Variants in RTKN2 observed in about 807,000 individuals in gnomAD.
RTKN2 encodes rhotekin-2.
RTKN2 carries 69 observed loss-of-function variants against 71.5 expected under a neutral mutation model. The observed-to-expected ratio is 0.96, with a 90% CI of 0.79 to 1.18. RTKN2 has a LOEUF of 1.18. Ranked by LOEUF, RTKN2 falls within the 50% of genes most tolerant of loss-of-function variation. The pLI is 0.00. For missense variants in RTKN2, 724 were observed against 719.7 expected (o/e 1.01, Z -0.07); for synonymous variants, 236 against 236.5 (o/e 1.00, Z 0.02).
At chr10:62,240,544 G>A (rs994622750) in intron 4 of RTKN2, among the ~76,000 whole-genome samples, 1 of 152,060 alleles carries the variant, frequency 6.6e-6, no homozygotes, top group Non-Finnish European at 1.5e-5. Flanking sequence ...ATATGATTCA[G>A]TTTTTAAAGT....
At chr10:62,247,473 A>C (rs1003216801) in intron 2 of RTKN2, among the ~76,000 whole-genome samples, 3 of 152,060 alleles carry the variant, frequency 2.0e-5, no homozygotes, top group African/African-American at 7.2e-5. Context: ...AATTCTACCT[A>C]ATTACTTTAT....
chr10:62,186,941 C>CA (rs939791871), intron 8 of RTKN2, among the ~76,000 whole-genome samples: 3 of 151,948 alleles, frequency 2.0e-5, no homozygotes. Flanking sequence ...AAGTTTATGG[C>CA]AAAAAAATTA....
rs755133811 is a variant in RTKN2 at position 62,195,446 on chromosome 10, A to C, written c.*2462T>G. On this transcript the variant is annotated 3_prime_UTR_variant, in exon 12 of 12. Coordinates refer to ENST00000373789, the MANE Select transcript of RTKN2 (RefSeq NM_145307.4). ...TTTGACACAGTGCTTAACTATTTTTAGATTTTTTTTTTAAACTGTAAAGGA... is the reference window on the plus strand; with the variant it reads ...TTTGACACAGTGCTTAACTATTTTTCGATTTTTTTTTTAAACTGTAAAGGA... 1 of 978,732 alleles carries C rather than the reference A, an allele frequency of 1.0e-6. No individual in the cohort carries two copies. The highest frequency in any genetic ancestry group is 1.2e-6 in the Non-Finnish European group (1 of 824,188). The allele number at this position is 978,732 out of a possible 1,614,324, so 60.6% of individuals were successfully genotyped here.
intron 3 of RTKN2, among the ~76,000 whole-genome samples, chr10:62,241,797 T>C (rs7093180): frequency 0.89 from 135,390 of 151,954 alleles, 60,432 homozygotes; most frequent in East Asian, 0.99. Flanking sequence ...CTCCTGGGTT[T>C]AAGTGATTCT....
rs905285112 is a variant in RTKN2 at position 62,193,128 on chromosome 10, T to C, written c.*4780A>G. The C allele has an allele frequency of 1.2e-5, 7 of 582,144 alleles. No individual in the cohort carries two copies. The African/African-American group carries it at 1.4e-4, about 12-fold the overall frequency. 36.1% of individuals were successfully genotyped at this position (582,144 alleles called of 1,614,324 possible). Reference sequence around the variant, plus strand: ...TAAGATTAAGTTCTACAAAAATGCATCCATTCATAATTTTGAGTAGATAAA... The same window carrying C: ...TAAGATTAAGTTCTACAAAAATGCACCCATTCATAATTTTGAGTAGATAAA... On this transcript the variant is annotated 3_prime_UTR_variant, in exon 12 of 12. Coordinates refer to ENST00000373789, the MANE Select transcript of RTKN2 (RefSeq NM_145307.4).
chr10:62,199,708 G>A (rs771238314), intron 11 of RTKN2, 46 bp downstream of exon 11: 41 of 1,159,424 alleles, frequency 3.5e-5, no homozygotes, highest in Non-Finnish European at 5.3e-5. Context: ...TATGGACAAT[G>A]TTGTTTTTGT....
At chr10:62,267,055 C>T (rs1389629192) in intron 1 of RTKN2, among the ~76,000 whole-genome samples, 2 of 152,272 alleles carry the variant, frequency 1.3e-5, no homozygotes, top group African/African-American at 4.8e-5. Context: ...AAAGGAAATA[C>T]CAAATAAAAA....
chr10:62,198,793 A>G (rs543602473), intron 11 of RTKN2, among the ~76,000 whole-genome samples: 76 of 152,302 alleles, frequency 5.0e-4, no homozygotes, highest in African/African-American at 1.8e-3. Flanking sequence ...AAAAAATTCT[A>G]TAGATTAAGT....
chr10:62,191,223 C>T (rs778492961), downstream of RTKN2, among the ~76,000 whole-genome samples: 1 of 152,140 alleles, frequency 6.6e-6, no homozygotes, highest in Non-Finnish European at 1.5e-5. Context: ...CTGGAACTCT[C>T]GGCTCAAGTT....
intron 3 of RTKN2, among the ~76,000 whole-genome samples, chr10:62,244,171 AT>A (rs1186642769): frequency 6.6e-6 from 1 of 152,194 alleles, no homozygotes; most frequent in Non-Finnish European, 1.5e-5. Context: ...TTTCATCCCA[AT>A]ATCAAGAAAA....
chr10:62,265,853 T>C (rs1842859651), intron 1 of RTKN2, among the ~76,000 whole-genome samples: 1 of 152,188 alleles, frequency 6.6e-6, no homozygotes, highest in African/African-American at 2.4e-5. Context: ...TCAATAGTGA[T>C]GTTTATTAAC....
At chr10:62,235,973 C>T in intron 6 of RTKN2, 93 bp downstream of exon 6, 1 of 929,684 alleles carries the variant, frequency 1.1e-6, no homozygotes, top group Non-Finnish European at 1.6e-6. Context: ...GATGTTTTTC[C>T]ATTTATAAAG....
At chr10:62,259,706 C>A (rs1214436732) in intron 2 of RTKN2, among the ~76,000 whole-genome samples, 4 of 152,138 alleles carry the variant, frequency 2.6e-5, no homozygotes, top group African/African-American at 9.7e-5. Flanking sequence ...CACATGCCAC[C>A]ATGCCTGGCT....
At chr10:62,252,888 AACT>A (rs1033634015) in intron 2 of RTKN2, among the ~76,000 whole-genome samples, 2 of 152,066 alleles carry the variant, frequency 1.3e-5, no homozygotes, top group African/African-American at 4.8e-5. Flanking sequence ...AAATTATAGT[AACT>A]ACTATGACTT....
Position 62,195,163 on chromosome 10 carries a change from A to C in RTKN2, c.*2745T>G, listed in dbSNP as rs1259388696. 2 of 973,264 alleles carry C rather than the reference A, an allele frequency of 2.1e-6. No individual in the cohort carries two copies. The highest frequency in any genetic ancestry group is 1.8e-5 in the African/African-American group (1 of 56,968). The allele number at this position is 973,264 out of a possible 1,614,324, so 60.3% of individuals were successfully genotyped here. On this transcript the variant is annotated 3_prime_UTR_variant, in exon 12 of 12. Transcript: ENST00000373789. ...TGAAATGTAAAGGTAATTGTCTAAGACATTATCTTTAGATCATCAGAATTA... is the reference window on the plus strand; with the variant it reads ...TGAAATGTAAAGGTAATTGTCTAAGCCATTATCTTTAGATCATCAGAATTA...
chr10:62,206,651 G>A (rs548611587), intron 9 of RTKN2, among the ~76,000 whole-genome samples: 191 of 152,110 alleles, frequency 1.3e-3, no homozygotes, highest in Non-Finnish European at 1.8e-3. Flanking sequence ...GAATGTGAGT[G>A]TCTTTAGAGG....
intron 2 of RTKN2, among the ~76,000 whole-genome samples, chr10:62,254,678 G>A (rs1234390263): frequency 3.9e-5 from 6 of 152,140 alleles, no homozygotes; most frequent in African/African-American, 9.7e-5. Context: ...GGTGGCTCAC[G>A]CCTGTAATCC....
chr10:62,255,856 C>G (rs1213138391), intron 2 of RTKN2, among the ~76,000 whole-genome samples: 1 of 152,102 alleles, frequency 6.6e-6, no homozygotes, highest in Non-Finnish European at 1.5e-5. Flanking sequence ...CCCAGCCTCA[C>G]CTAGAAAAAA....
chr10:62,207,946 A>G (rs1392494039), intron 9 of RTKN2, among the ~76,000 whole-genome samples: 12 of 152,154 alleles, frequency 7.9e-5, no homozygotes, highest in Admixed American at 7.9e-4. Flanking sequence ...GAGGTTTTAT[A>G]GTCAACTTTT....
Sources: allele counts gnomAD v4.1 joint callset (sites outside exome capture counted in the v4.1 genomes callset), GRCh38; gene constraint gnomAD v4.1.1; transcripts MANE v1.5; gene names NCBI Gene and HGNC (gene_info 2026-07-23, HGNC 2026-07-21).